The following STAC variants were observed in gnomAD, a reference collection of about 807,000 sequenced individuals.
The protein encoded by STAC is SH3 and cysteine rich domain.
Under a neutral mutation model 48.8 loss-of-function variants are expected in STAC, and 43 were observed. The observed-to-expected ratio is 0.88, with a 90% CI of 0.69 to 1.14. The LOEUF (loss-of-function observed/expected upper bound fraction) is 1.14. STAC is among the 50% of genes most tolerant of loss of function. The pLI, the probability that STAC is intolerant of heterozygous loss-of-function variation, is 0.00. For missense variants in STAC, 497 were observed against 504.0 expected (o/e 0.99, Z 0.13); for synonymous variants, 193 against 179.5 (o/e 1.07, Z -0.60).
At chr3:36,493,300 T>C in intron 6 of STAC, 71 bp downstream of exon 6, 1 of 1,434,044 alleles carries the variant, frequency 7.0e-7, no homozygotes, top group South Asian at 1.2e-5. Context: ...CCAAGTTGAT[T>C]TCCAGTCCCC....
At chr3:36,469,345 G>T (rs1697262625) in intron 2 of STAC, among the ~76,000 whole-genome samples, 1 of 152,116 alleles carries the variant, frequency 6.6e-6, no homozygotes, top group African/African-American at 2.4e-5. Flanking sequence ...CATTTATGAA[G>T]CTTAGTTTTG....
At chr3:36,424,511 C>T (rs57838169) in intron 1 of STAC, among the ~76,000 whole-genome samples, 3,537 of 152,204 alleles carry the variant, frequency 0.023, 61 homozygotes, top group East Asian at 0.026. Flanking sequence ...TCTGGAATTT[C>T]AGAGCCCAAA....
chr3:36,459,509 T>C (rs1399504956), intron 2 of STAC, among the ~76,000 whole-genome samples: 1 of 152,196 alleles, frequency 6.6e-6, no homozygotes, highest in Admixed American at 6.5e-5. Context: ...CATGACAGAA[T>C]CAATTTTTAA....
At chr3:36,445,588 A>G (rs1696486937) in intron 2 of STAC, among the ~76,000 whole-genome samples, 1 of 152,194 alleles carries the variant, frequency 6.6e-6, no homozygotes, top group African/African-American at 2.4e-5. Flanking sequence ...TATTTTAATT[A>G]TCTGATAATG....
At chr3:36,520,287 G>C (rs1173075322) in intron 8 of STAC, among the ~76,000 whole-genome samples, 3 of 152,152 alleles carry the variant, frequency 2.0e-5, no homozygotes, top group Non-Finnish European at 4.4e-5. Context: ...GACCTAGAGA[G>C]TCAAATCCTA....
chr3:36,441,241 C>T (rs753382077), intron 1 of STAC, among the ~76,000 whole-genome samples: 45 of 152,134 alleles, frequency 3.0e-4, no homozygotes, highest in Non-Finnish European at 5.4e-4. Context: ...TCCCTATCCT[C>T]CCTTCTCCCT....
chr3:36,385,488 CTTTT>C (rs1306187062), intron 1 of STAC, among the ~76,000 whole-genome samples: 1 of 151,794 alleles, frequency 6.6e-6, no homozygotes, highest in Non-Finnish European at 1.5e-5. Context: ...GTATTATAGT[CTTTT>C]TTTTAGTAAA....
chr3:36,521,058 G>A (rs1343639697), intron 8 of STAC, among the ~76,000 whole-genome samples: 1 of 152,032 alleles, frequency 6.6e-6, no homozygotes, highest in East Asian at 1.9e-4. Context: ...TAAGTCTGGT[G>A]AAAAATTAAG....
At chr3:36,412,358 T>C (rs982145170) in intron 1 of STAC, among the ~76,000 whole-genome samples, 7 of 152,200 alleles carry the variant, frequency 4.6e-5, no homozygotes, top group African/African-American at 1.4e-4. Flanking sequence ...GTACATTTCA[T>C]TGGCCAAAAC....
At position 36,546,102 on chromosome 3, in the gene STAC, C is replaced by T. The variant is rs1361427837; in HGVS notation, c.1111-89C>T. 4.7e-6 allele frequency: 5 copies of T among 1,058,754 alleles called. No homozygotes were observed. The African/African-American group carries it at 7.9e-5, about 17-fold the overall frequency. The allele number at this position is 1,058,754 out of a possible 1,614,324, so 65.6% of individuals were successfully genotyped here. A position where few individuals can be genotyped will look rare whatever the true frequency, so the allele number is the denominator to read the frequency against. ...CTTTTCCAGTTTGTTGCTCCTGCAA[C>T]CTCAGTCAGCAGGGATTCAAGCTGC... On this transcript the variant is annotated intron_variant, in intron 10 of 10. Transcript: ENST00000273183.
At chr3:36,498,813 G>C (rs181039195) in intron 6 of STAC, among the ~76,000 whole-genome samples, 37 of 152,190 alleles carry the variant, frequency 2.4e-4, no homozygotes, top group Admixed American at 2.4e-3. Flanking sequence ...CATACTTGTG[G>C]AGAATTTTCC....
intron 2 of STAC, among the ~76,000 whole-genome samples, chr3:36,448,209 T>G (rs13089577): frequency 6.7e-6 from 1 of 150,276 alleles, no homozygotes; most frequent in South Asian, 2.1e-4. Flanking sequence ...CTTTATTTTA[T>G]TTTACTTTAT....
chr3:36,507,841 C>A (rs1460894726), intron 8 of STAC, among the ~76,000 whole-genome samples: 2 of 152,064 alleles, frequency 1.3e-5, no homozygotes, highest in African/African-American at 2.4e-5. Context: ...AGCAGTCTAT[C>A]TATTTTGTTA....
At chr3:36,405,422 C>A (rs1408485889) in intron 1 of STAC, among the ~76,000 whole-genome samples, 1 of 152,192 alleles carries the variant, frequency 6.6e-6, no homozygotes, top group East Asian at 1.9e-4. Context: ...CGAAGACACA[C>A]AGCTTCCTGC....
intron 2 of STAC, among the ~76,000 whole-genome samples, chr3:36,459,521 T>C (rs1417937268): frequency 6.6e-6 from 1 of 152,200 alleles, no homozygotes; most frequent in Non-Finnish European, 1.5e-5. Context: ...AATTTTTAAT[T>C]TTCCAGAAGT....
chr3:36,388,930 T>C (rs1699680875), intron 1 of STAC, among the ~76,000 whole-genome samples: 1 of 152,192 alleles, frequency 6.6e-6, no homozygotes, highest in Non-Finnish European at 1.5e-5. Context: ...ATAATACAAG[T>C]ACCCTCTTGG....
In STAC at chr3:36,380,599, C is replaced by G; in HGVS notation, c.-45C>G. ...CGGGCAGGGCGCGCAGGACAGAAGC[C>G]TCGCTGTTCCTCCGGGAGCCCAACA... On this transcript the variant is annotated 5_prime_UTR_variant, in exon 1 of 11. Coordinates refer to ENST00000273183, the MANE Select transcript of STAC (RefSeq NM_003149.3). 1 of 1,463,756 alleles carries G rather than the reference C, an allele frequency of 6.8e-7. No homozygotes were observed. Among genetic ancestry groups the G allele is most frequent in the Non-Finnish European group, 9.4e-7 (1 of 1,067,796 alleles). 90.7% of individuals were successfully genotyped at this position (1,463,756 alleles called of 1,614,324 possible).
intron 1 of STAC, among the ~76,000 whole-genome samples, chr3:36,441,577 G>A (rs781560159): frequency 6.6e-6 from 1 of 152,182 alleles, no homozygotes; most frequent in Admixed American, 6.5e-5. Flanking sequence ...TGTCTCCTCA[G>A]TATAATGATT....
intron 1 of STAC, among the ~76,000 whole-genome samples, chr3:36,398,374 AAGAG>A (rs1292910835): frequency 3.6e-5 from 5 of 140,750 alleles, no homozygotes; most frequent in Non-Finnish European, 7.9e-5. Flanking sequence ...AAAGAAAAGA[AAGAG>A]AGAAAGAAAG....
Sources: allele counts gnomAD v4.1 joint callset (sites outside exome capture counted in the v4.1 genomes callset), GRCh38; gene constraint gnomAD v4.1.1; transcripts MANE v1.5; gene names NCBI Gene and HGNC (gene_info 2026-07-23, HGNC 2026-07-21).